Variants in FARS2 observed in about 807,000 individuals in gnomAD.
FARS2 encodes the protein phenylalanine--tRNA ligase, mitochondrial.
In FARS2, 40 loss-of-function variants were observed where a neutral mutation model predicts 46.4. The ratio of observed to expected loss-of-function variants is 0.86; its 90% CI spans 0.67 to 1.12. FARS2 has a LOEUF of 1.12. Ranked by LOEUF, FARS2 falls within the 50% of genes most tolerant of loss-of-function variation. The probability of loss-of-function intolerance (pLI) is 0.00; values close to 1 mark genes in which losing one functional copy is unlikely to be tolerated. For synonymous variants in FARS2, 234 were observed against 214.9 expected, an observed-to-expected ratio of 1.09 and a Z score of -0.78; for missense variants, 513 against 567.9, an observed-to-expected ratio of 0.90 and a Z score of 0.98.
At chr6:5,327,571 G>C (rs761500356) in intron 1 of FARS2, among the ~76,000 whole-genome samples, 2 of 152,176 alleles carry the variant, frequency 1.3e-5, no homozygotes, top group African/African-American at 2.4e-5. Context: ...CACCATGTAA[G>C]ATATACCTTT....
At chr6:5,350,169 A>ATTT (rs57211565) in intron 1 of FARS2, among the ~76,000 whole-genome samples, 2 of 131,692 alleles carry the variant, frequency 1.5e-5, no homozygotes, top group Non-Finnish European at 3.2e-5. Flanking sequence ...TGCCTGGCAA[A>ATTT]TTTTTTTTTT....
At chr6:5,305,545 C>T (rs1332039558) in intron 1 of FARS2, among the ~76,000 whole-genome samples, 1 of 152,186 alleles carries the variant, frequency 6.6e-6, no homozygotes, top group Non-Finnish European at 1.5e-5. Context: ...ACCTTTGACT[C>T]ATTTATATAA....
chr6:5,437,367 A>G (rs764340696), intron 4 of FARS2, among the ~76,000 whole-genome samples: 4 of 152,204 alleles, frequency 2.6e-5, no homozygotes, highest in Non-Finnish European at 4.4e-5. Flanking sequence ...CATCAAGGTA[A>G]TTGAATAGTG....
intron 6 of FARS2, among the ~76,000 whole-genome samples, chr6:5,626,927 C>T (rs982495562): frequency 5.0e-4 from 76 of 152,312 alleles, no homozygotes; most frequent in African/African-American, 1.7e-3. Context: ...GCTTCTAGGC[C>T]ACAAACCTGC....
At chr6:5,608,128 T>A (rs1031421186) in intron 5 of FARS2, among the ~76,000 whole-genome samples, 4 of 152,198 alleles carry the variant, frequency 2.6e-5, no homozygotes, top group Non-Finnish European at 5.9e-5. Flanking sequence ...ACTTGCTTTT[T>A]AACCTCAAAT....
At chr6:5,283,374 C>CAAAAA (rs1180107524) in intron 1 of FARS2, among the ~76,000 whole-genome samples, 5 of 55,056 alleles carry the variant, frequency 9.1e-5, no homozygotes, top group African/African-American at 1.4e-4. Flanking sequence ...ACTCCTGTCT[C>CAAAAA]AAAAAAAAAA....
intron 1 of FARS2, among the ~76,000 whole-genome samples, chr6:5,269,658 G>A (rs1561921102): frequency 6.6e-6 from 1 of 152,114 alleles, no homozygotes; most frequent in Non-Finnish European, 1.5e-5. Flanking sequence ...TTTAGAATTT[G>A]CAGTGTTGAG....
chr6:5,555,950 A>G (rs1462829088), intron 5 of FARS2, among the ~76,000 whole-genome samples: 1 of 152,124 alleles, frequency 6.6e-6, no homozygotes, highest in African/African-American at 2.4e-5. Context: ...TTATATCTAA[A>G]GCATTTATAA....
intron 2 of FARS2, among the ~76,000 whole-genome samples, chr6:5,379,915 A>T (rs866947693): frequency 2.6e-5 from 4 of 152,234 alleles, no homozygotes; most frequent in Admixed American, 1.3e-4. Flanking sequence ...CTCAGTTTTC[A>T]CAGAGCAGGC....
chr6:5,383,773 T>TG lies in FARS2; in HGVS notation c.612+14591_612+14592insG, dbSNP rs557726401. ...AGTTCTGATCTACTTTTTTTTTTTT[T>TG]TAAAGCCTTTGCTGTCTTTTCTGTT... On this transcript the variant is annotated intron_variant, in intron 2 of 6. Transcript: ENST00000274680. 4.1e-4 allele frequency among the ~76,000 whole-genome samples: 62 copies of TG among 152,170 alleles called. No homozygotes were observed. In the South Asian group the frequency reaches 0.012, roughly 31 times the overall value.
At chr6:5,629,278 A>G (rs1776179066) in intron 6 of FARS2, among the ~76,000 whole-genome samples, 1 of 152,220 alleles carries the variant, frequency 6.6e-6, no homozygotes, top group Non-Finnish European at 1.5e-5. Context: ...TCATTGTGAA[A>G]AAATGTCTTA....
chr6:5,571,698 C>T (rs1350026985), intron 5 of FARS2, among the ~76,000 whole-genome samples: 1 of 152,168 alleles, frequency 6.6e-6, no homozygotes. Context: ...AGGAAAAAAG[C>T]ATTTCCTCCT....
chr6:5,637,027 C>A (rs1465227959), intron 6 of FARS2, among the ~76,000 whole-genome samples: 1 of 152,198 alleles, frequency 6.6e-6, no homozygotes, highest in Non-Finnish European at 1.5e-5. Flanking sequence ...TCTTTGTTTT[C>A]CATAAACACT....
rs1279943911 is a variant in FARS2, at chr6:5,269,397, CAT to C, written c.-22+7738_-22+7739del. On this transcript the variant is annotated intron_variant, in intron 1 of 6. Transcript: ENST00000274680. ...AGATATACCTAATGCCAGCATGGCA[CAT>C]GTGTACATATGTAACAAACCTGCAC... is the stretch of plus-strand genomic sequence containing the variant. Among the ~76,000 whole-genome samples the C allele has an allele frequency of 2.0e-5, 3 of 147,590 alleles. No individual in the cohort carries two copies. In the East Asian group the frequency reaches 6.0e-4, roughly 29 times the overall value.
chr6:5,485,520 T>TG (rs1437881050), intron 4 of FARS2, among the ~76,000 whole-genome samples: 2 of 94,102 alleles, frequency 2.1e-5, no homozygotes, highest in South Asian at 7.5e-4. Context: ...TCCTTTTTCC[T>TG]GGGGGGCAGT....
In FARS2 at chr6:5,343,030, C is replaced by CA. The variant is rs1368957174; in HGVS notation, c.-21-25519dup. On this transcript the variant is annotated intron_variant, in intron 1 of 6. Coordinates refer to ENST00000274680, the MANE Select transcript of FARS2 (RefSeq NM_006567.5). The surrounding 1 kb of genome is among the most constrained non-coding windows in gnomAD (Gnocchi z 4.5). ...AGGCAGCTAGTGCCTTACAAGAAAACAGACAAAACCTCATTAAAATCTACA... is the reference window on the plus strand; with the variant it reads ...AGGCAGCTAGTGCCTTACAAGAAAACAAGACAAAACCTCATTAAAATCTACA... Among the ~76,000 whole-genome samples, 1 of 152,134 alleles carries CA rather than the reference C, an allele frequency of 6.6e-6. No homozygotes were observed. The highest frequency in any genetic ancestry group is 1.5e-5 in the Non-Finnish European group (1 of 68,020).
intron 2 of FARS2, among the ~76,000 whole-genome samples, chr6:5,381,587 G>C (rs1759795058): frequency 1.3e-5 from 2 of 152,158 alleles, no homozygotes; most frequent in Non-Finnish European, 2.9e-5. Flanking sequence ...TGGAAAATCT[G>C]TTCTGGATTC....
In FARS2 at chr6:5,304,769, A is replaced by C. The variant is rs149242889; in HGVS notation, c.-22+43109A>C. Among the ~76,000 whole-genome samples the C allele has an allele frequency of 1.2e-4, 19 of 152,370 alleles. No homozygotes were observed. In the East Asian group the frequency reaches 3.7e-3, roughly 29 times the overall value. On this transcript the variant is annotated intron_variant, in intron 1 of 6. Transcript: ENST00000274680. ...TCTAAGGATAACATAATGGTCATCCATTAGTATTTAAAATAGATGTGTGCT... is the reference window on the plus strand; with the variant it reads ...TCTAAGGATAACATAATGGTCATCCCTTAGTATTTAAAATAGATGTGTGCT...
intron 6 of FARS2, among the ~76,000 whole-genome samples, chr6:5,693,742 A>T (rs540215926): frequency 1.4e-4 from 22 of 152,266 alleles, no homozygotes; most frequent in African/African-American, 5.1e-4. Flanking sequence ...CTTTACTTAC[A>T]CATCTGGCAC....
Sources: gnomAD v4.1 joint callset for allele counts (sites outside exome capture counted in the v4.1 genomes callset) on GRCh38, gnomAD v4.1.1 for gene constraint, Gnocchi (gnomAD v3.1) non-coding constraint, MANE v1.5 for transcripts, NCBI Gene and HGNC (gene_info 2026-07-23, HGNC 2026-07-21) for gene names.